The following NRG1 variants were observed in gnomAD, a reference collection of about 807,000 sequenced individuals.
The protein encoded by NRG1 is neuregulin 1.
Under a neutral mutation model 63.8 loss-of-function variants are expected in NRG1, and 18 were observed. That is an observed-to-expected ratio of 0.28 (90% CI 0.19 to 0.42). NRG1 has a LOEUF of 0.42. Ranked by LOEUF, NRG1 falls within the 10% of genes least tolerant of loss-of-function variation. The pLI is 1.00. For missense variants in NRG1, 762 were observed against 814.7 expected (o/e 0.94, Z 0.79); for synonymous variants, 302 against 301.3 (o/e 1.00, Z -0.02).
At chr8:32,189,628 T>C (rs999807692) in intron 1 of NRG1, among the ~76,000 whole-genome samples, 4 of 152,202 alleles carry the variant, frequency 2.6e-5, no homozygotes, top group African/African-American at 9.6e-5. Flanking sequence ...ATAATGCCTA[T>C]CAGGGTGGGG....
chr8:32,120,495 C>T (rs1451850560), intron 1 of NRG1, among the ~76,000 whole-genome samples: 1 of 152,004 alleles, frequency 6.6e-6, no homozygotes, highest in East Asian at 1.9e-4. Flanking sequence ...GATGATTTCC[C>T]TTCTCTCCCC....
At chr8:31,771,026 C>T (rs1818570754) in intron 1 of NRG1, among the ~76,000 whole-genome samples, 1 of 151,980 alleles carries the variant, frequency 6.6e-6, no homozygotes, top group Non-Finnish European at 1.5e-5. Context: ...CAATCATTTT[C>T]CTTTATAGCA....
intron 1 of NRG1, among the ~76,000 whole-genome samples, chr8:32,352,911 AT>A (rs1805804364): frequency 1.7e-5 from 2 of 118,170 alleles, no homozygotes; most frequent in Non-Finnish European, 3.8e-5. Flanking sequence ...ATATATATAT[AT>A]ATAGAGAGAG....
At chr8:32,110,725 A>G (rs1831903325) in intron 1 of NRG1, among the ~76,000 whole-genome samples, 2 of 152,162 alleles carry the variant, frequency 1.3e-5, no homozygotes, top group Admixed American at 6.5e-5. Context: ...TGGGAACTGA[A>G]CCAAAGACTG....
At chr8:31,769,027 T>A (rs1462647972) in intron 1 of NRG1, among the ~76,000 whole-genome samples, 6 of 152,016 alleles carry the variant, frequency 3.9e-5, no homozygotes, top group South Asian at 2.1e-4. Context: ...TAAAAAAAAA[T>A]TTTCAGGTAT....
chr8:32,395,675 C>A (rs553576183), intron 1 of NRG1, among the ~76,000 whole-genome samples: 2 of 151,702 alleles, frequency 1.3e-5, no homozygotes, highest in Admixed American at 1.3e-4. Flanking sequence ...TGTGTTTTCC[C>A]AGTCTGTTTC....
At chr8:31,979,630 C>T (rs1346763897) in intron 1 of NRG1, among the ~76,000 whole-genome samples, 2 of 152,034 alleles carry the variant, frequency 1.3e-5, no homozygotes, top group Admixed American at 1.3e-4. Context: ...AAATTGTATA[C>T]TGCTCTTCAA....
rs141425527 is a variant in NRG1 at position 31,906,246 on chromosome 8, C to A, written c.37+266815C>A. ...GTCAGGAAGCTTTAGCTCCTTACCA[C>A]GTGGGATTCTCCATGTGGCTATTTA... On this transcript the variant is annotated intron_variant, in intron 1 of 10. Transcript: ENST00000519301. Among the ~76,000 whole-genome samples the A allele has an allele frequency of 9.7e-4, 147 of 152,304 alleles. 2 individuals carry two copies. The highest frequency in any genetic ancestry group is 1.6e-3 in the Non-Finnish European group (108 of 68,028).
At chr8:32,577,232 C>T (rs1468277968) in intron 1 of NRG1, among the ~76,000 whole-genome samples, 2 of 152,138 alleles carry the variant, frequency 1.3e-5, no homozygotes, top group Non-Finnish European at 2.9e-5. Context: ...CTGATGGGCA[C>T]CTAGGTTGAT....
At chr8:31,820,760 G>A (rs753874348) in intron 1 of NRG1, among the ~76,000 whole-genome samples, 2 of 152,204 alleles carry the variant, frequency 1.3e-5, no homozygotes, top group Non-Finnish European at 2.9e-5. Flanking sequence ...TGTAGGATAT[G>A]CATATCTCAA....
intron 1 of NRG1, among the ~76,000 whole-genome samples, chr8:31,732,219 T>C (rs1202036629): frequency 6.6e-6 from 1 of 152,192 alleles, no homozygotes; most frequent in Non-Finnish European, 1.5e-5. Context: ...GCTGACGTTA[T>C]CACGATTAGA....
chr8:32,298,897 T>G (rs1855244457), intron 1 of NRG1, among the ~76,000 whole-genome samples: 1 of 146,328 alleles, frequency 6.8e-6, no homozygotes, highest in African/African-American at 2.5e-5. Flanking sequence ...GATGGTGGCA[T>G]GTACCTGTAG....
intron 1 of NRG1, among the ~76,000 whole-genome samples, chr8:31,685,025 T>G (rs549247245): frequency 6.6e-6 from 1 of 152,316 alleles, no homozygotes; most frequent in East Asian, 1.9e-4. Context: ...CCTACGTATT[T>G]TCATTCTAAA....
intron 1 of NRG1, among the ~76,000 whole-genome samples, chr8:31,814,472 T>C (rs1336682278): frequency 1.3e-5 from 2 of 152,148 alleles, no homozygotes; most frequent in African/African-American, 4.8e-5. Flanking sequence ...GTAATGCATG[T>C]AAAAGCATTT....
chr8:32,096,816 A>G (rs1587114364), intron 1 of NRG1, among the ~76,000 whole-genome samples: 5 of 152,284 alleles, frequency 3.3e-5, no homozygotes. Flanking sequence ...CTATGACCCA[A>G]ACACCTTCCA....
At chr8:32,702,780 C>G (rs566934853) in intron 5 of NRG1, among the ~76,000 whole-genome samples, 1 of 152,264 alleles carries the variant, frequency 6.6e-6, no homozygotes, top group South Asian at 2.1e-4. Context: ...CCATGCCAGG[C>G]CTGAATTTTC....
chr8:32,111,352 A>G (rs868476147), intron 1 of NRG1, among the ~76,000 whole-genome samples: 8 of 152,196 alleles, frequency 5.3e-5, no homozygotes, highest in African/African-American at 1.7e-4. Context: ...CCTGACCTCA[A>G]GTGATGAGCT....
chr8:31,671,230 A>C (rs908538449), intron 1 of NRG1, among the ~76,000 whole-genome samples: 5 of 152,216 alleles, frequency 3.3e-5, no homozygotes, highest in African/African-American at 1.2e-4. Context: ...TTCCCTTTGA[A>C]CTTTGTATGT....
intron 2 of NRG1, among the ~76,000 whole-genome samples, chr8:32,599,300 T>C (rs1396158426): frequency 6.6e-6 from 1 of 152,108 alleles, no homozygotes; most frequent in African/African-American, 2.4e-5. Context: ...GTTTGAGGTG[T>C]AAGATTTTTC....
Sources: gnomAD v4.1 joint callset for allele counts (sites outside exome capture counted in the v4.1 genomes callset) on GRCh38, gnomAD v4.1.1 for gene constraint, MANE v1.5 for transcripts, NCBI Gene and HGNC (gene_info 2026-07-23, HGNC 2026-07-21) for gene names.